Variants in FAM107B observed in about 807,000 individuals in gnomAD.
FAM107B encodes family with sequence similarity 107 member B.
Under a neutral mutation model 31.5 loss-of-function variants are expected in FAM107B, and 21 were observed. The ratio of observed to expected loss-of-function variants is 0.67; its 90% CI spans 0.47 to 0.96. FAM107B has a LOEUF of 0.96. Ranked by LOEUF, FAM107B falls within the 40% of genes least tolerant of loss-of-function variation. The pLI, the probability that FAM107B is intolerant of heterozygous loss-of-function variation, is 0.00. For missense variants in FAM107B, 452 were observed against 377.1 expected (o/e 1.20, Z -1.64); for synonymous variants, 157 against 141.5 (o/e 1.11, Z -0.78).
intron 1 of FAM107B, among the ~76,000 whole-genome samples, chr10:14,743,567 C>T (rs976308683): frequency 2.0e-5 from 3 of 152,194 alleles, no homozygotes; most frequent in Non-Finnish European, 4.4e-5. Context: ...CAATTTTCTG[C>T]ATATGGCTAG....
chr10:14,601,108 T>C (rs1481775341), intron 2 of FAM107B, among the ~76,000 whole-genome samples: 1 of 152,200 alleles, frequency 6.6e-6, no homozygotes, highest in Non-Finnish European at 1.5e-5. Flanking sequence ...ATAGTCTTGT[T>C]AACAGCAGTA....
intron 1 of FAM107B, among the ~76,000 whole-genome samples, chr10:14,694,776 T>C (rs1855226506): frequency 6.6e-6 from 1 of 152,218 alleles, no homozygotes; most frequent in African/African-American, 2.4e-5. Flanking sequence ...CTGAGCACCT[T>C]TGCATATTAA....
At chr10:14,526,634 C>T (rs1014681333) in intron 3 of FAM107B, among the ~76,000 whole-genome samples, 7 of 152,116 alleles carry the variant, frequency 4.6e-5, no homozygotes, top group African/African-American at 1.7e-4. Flanking sequence ...TGTACAGCAG[C>T]AAGTATTTAT....
intron 1 of FAM107B, among the ~76,000 whole-genome samples, chr10:14,681,568 G>A (rs1310746888): frequency 2.6e-5 from 4 of 151,288 alleles, no homozygotes; most frequent in Non-Finnish European, 4.4e-5. Flanking sequence ...CTTGCCCCTC[G>A]TCACATGCTC....
chr10:14,599,746 CAT>C (rs1310292248), intron 2 of FAM107B, among the ~76,000 whole-genome samples: 1 of 149,760 alleles, frequency 6.7e-6, no homozygotes, highest in Non-Finnish European at 1.5e-5. Flanking sequence ...TTTCTATTTC[CAT>C]AGAACATACA....
intron 1 of FAM107B, among the ~76,000 whole-genome samples, chr10:14,731,703 T>A (rs1437275637): frequency 6.6e-6 from 1 of 152,198 alleles, no homozygotes; most frequent in Non-Finnish European, 1.5e-5. Context: ...TATAATACCA[T>A]CTTTTTACTG....
chr10:14,760,099 A>AT lies in FAM107B; in HGVS notation c.411+14153dup, dbSNP rs149469998. Among the ~76,000 whole-genome samples the AT allele has an allele frequency of 5.6e-3, 850 of 152,356 alleles. 6 individuals are homozygous for AT. Among genetic ancestry groups the AT allele is most frequent in the African/African-American group, 0.019 (791 of 41,582 alleles). On this transcript the variant is annotated intron_variant, in intron 1 of 4. Coordinates refer to ENST00000181796, the MANE Select transcript of FAM107B (RefSeq NM_031453.4). ...ATTATTCTAGAACTTGATAGAAACAATTTAAGGCCACGTGGGAGAATAGGT... is the reference window on the plus strand; with the variant it reads ...ATTATTCTAGAACTTGATAGAAACAATTTTAAGGCCACGTGGGAGAATAGGT...
chr10:14,759,517 T>A (rs536522361), intron 1 of FAM107B, among the ~76,000 whole-genome samples: 1 of 152,278 alleles, frequency 6.6e-6, no homozygotes, highest in South Asian at 2.1e-4. Flanking sequence ...TATTTGTTTC[T>A]GTGTCTGACT....
rs141119815 is a variant in FAM107B, at chr10:14,640,993, C to T, written c.469+26641G>A. On this transcript the variant is annotated intron_variant, in intron 2 of 4. Coordinates refer to ENST00000181796, the MANE Select transcript of FAM107B (RefSeq NM_031453.4). Reference sequence around the variant, plus strand: ...ATCTATGGTTTCCACTCCAAATTGGCTTGGACTCAAAGGATTTATGGTGGC... The same window carrying T: ...ATCTATGGTTTCCACTCCAAATTGGTTTGGACTCAAAGGATTTATGGTGGC... Among the ~76,000 whole-genome samples, 10 of 152,296 alleles carry T rather than the reference C, an allele frequency of 6.6e-5. 1 individual carries two copies. Among genetic ancestry groups the T allele is most frequent in the African/African-American group, 2.4e-4 (10 of 41,552 alleles).
chr10:14,662,316 A>G (rs965424640), intron 2 of FAM107B, among the ~76,000 whole-genome samples: 1 of 151,026 alleles, frequency 6.6e-6, no homozygotes, highest in Admixed American at 6.6e-5. Context: ...GGAGAAAGTG[A>G]CCAACCACGC....
intron 1 of FAM107B, among the ~76,000 whole-genome samples, chr10:14,706,846 G>T (rs542658094): frequency 6.6e-6 from 1 of 152,276 alleles, no homozygotes; most frequent in African/African-American, 2.4e-5. Context: ...AAAAATGGTG[G>T]CCAGATGCCG....
intron 1 of FAM107B, among the ~76,000 whole-genome samples, chr10:14,685,011 T>G (rs1731542565): frequency 6.6e-6 from 1 of 152,086 alleles, no homozygotes. Flanking sequence ...TTAAATTATT[T>G]GTAGACATGG....
intron 1 of FAM107B, chr10:14,723,797 G>T (rs1855968386): frequency 1.3e-6 from 1 of 757,882 alleles, no homozygotes; most frequent in Admixed American, 1.7e-5. Flanking sequence ...AACTTCAGCA[G>T]GGCCCTCTGG....
chr10:14,519,827 T>C lies in FAM107B; in HGVS notation c.*1363A>G, dbSNP rs1588447600. 6.6e-6 allele frequency: 1 copy of C among 152,394 alleles called. No individual in the cohort carries two copies. Among genetic ancestry groups the C allele is most frequent in the Admixed American group, 6.5e-5 (1 of 15,278 alleles). 9.4% of individuals were successfully genotyped at this position (152,394 alleles called of 1,614,324 possible). A position where few individuals can be genotyped will look rare whatever the true frequency, so the allele number is the denominator to read the frequency against. On this transcript the variant is annotated 3_prime_UTR_variant, in exon 5 of 5. Coordinates refer to ENST00000181796, the MANE Select transcript of FAM107B (RefSeq NM_031453.4). ...CTGGCTGAACTGTCTCTACGGAGCATACTAAATCCTCAACAATTCTTCGGT... is the reference window on the plus strand; with the variant it reads ...CTGGCTGAACTGTCTCTACGGAGCACACTAAATCCTCAACAATTCTTCGGT...
chr10:14,607,080 A>G (rs1331906570), intron 2 of FAM107B, among the ~76,000 whole-genome samples: 3 of 152,220 alleles, frequency 2.0e-5, no homozygotes, highest in South Asian at 4.1e-4. Context: ...GCAAGGCCAC[A>G]GGCAGAGTGT....
At chr10:14,716,048 A>C (rs1002686820) in intron 1 of FAM107B, among the ~76,000 whole-genome samples, 2 of 152,220 alleles carry the variant, frequency 1.3e-5, no homozygotes, top group Non-Finnish European at 2.9e-5. Flanking sequence ...ATACTTCTAC[A>C]GATATTCCTG....
chr10:14,689,177 C>T (rs960001543), intron 1 of FAM107B, among the ~76,000 whole-genome samples: 10 of 151,706 alleles, frequency 6.6e-5, no homozygotes, highest in African/African-American at 1.5e-4. Flanking sequence ...CTCAGGAGTT[C>T]GAGACCAGCC....
chr10:14,594,489 G>A (rs1852116869), intron 2 of FAM107B, among the ~76,000 whole-genome samples: 1 of 122,960 alleles, frequency 8.1e-6, no homozygotes. Flanking sequence ...CCATGACAGA[G>A]CAAGACCCTG....
At chr10:14,767,024 G>GTATGTATATA (rs1554757993) in intron 1 of FAM107B, among the ~76,000 whole-genome samples, 1 of 16,240 alleles carries the variant, frequency 6.2e-5, no homozygotes, top group Non-Finnish European at 2.3e-4. Context: ...TGATGTGTAT[G>GTATGTATATA]TATATATATA....
Sources: gnomAD v4.1 joint callset for allele counts (sites outside exome capture counted in the v4.1 genomes callset) on GRCh38, gnomAD v4.1.1 for gene constraint, MANE v1.5 for transcripts, NCBI Gene and HGNC (gene_info 2026-07-23, HGNC 2026-07-21) for gene names.